DHRSX: variants seen among roughly 807,000 people sequenced by gnomAD.
DHRSX encodes dehydrogenase/reductase X-linked.
In DHRSX, 31 loss-of-function variants were observed where a neutral mutation model predicts 34.0. That is an observed-to-expected ratio of 0.91 (90% CI 0.69 to 1.23). The LOEUF (loss-of-function observed/expected upper bound fraction) is 1.23, where lower values mean the gene tolerates loss of function less well. DHRSX is among the 50% of genes most tolerant of loss of function. The pLI is 0.00. For synonymous variants in DHRSX, 201 were observed against 183.8 expected (o/e 1.09, Z -0.76); for missense variants, 414 against 428.1 (o/e 0.97, Z 0.29).
chrX:2,297,759 TGAG>T (rs1336386841), intron 3 of DHRSX, among the ~76,000 whole-genome samples: 1 of 105,546 alleles, frequency 9.5e-6, no homozygotes, highest in Non-Finnish European at 2.3e-5. Context: ...TTTGTCTTTT[TGAG>T]TTTTTTTTTT....
At chrX:2,227,540 GGAAGAAAAAAGGGAGAAA>G (rs2015702325) in intron 6 of DHRSX, among the ~76,000 whole-genome samples, 1 of 118,078 alleles carries the variant, frequency 8.5e-6, no homozygotes, top group Non-Finnish European at 1.7e-5. Context: ...AAAGGAGGGA[GGAAGAAAAAAGGGAGAAA>G]GGAGGGAAGA....
chrX:2,283,159 G>C (rs959423361), intron 4 of DHRSX, among the ~76,000 whole-genome samples: 5 of 151,832 alleles, frequency 3.3e-5, no homozygotes, highest in South Asian at 4.2e-4. Context: ...GGGAAGGATG[G>C]AGCCAGTCCA....
At chrX:2,414,919 T>C (rs2043674927) in intron 2 of DHRSX, among the ~76,000 whole-genome samples, 1 of 151,162 alleles carries the variant, frequency 6.6e-6, no homozygotes, top group Non-Finnish European at 1.5e-5. Context: ...CATCATGACC[T>C]AACCAAACTG....
At position 2,265,939 on chromosome X, in the gene DHRSX, C is replaced by T. The variant is rs1285551603; in HGVS notation, c.596+801G>A. On this transcript the variant is annotated intron_variant, in intron 5 of 6. Transcript: ENST00000334651. ...CAGTGCTCGGCAGATGCAGGGAGCACTGTCCCCAGAGCACCAGTGTACAGC... is the reference window on the plus strand; with the variant it reads ...CAGTGCTCGGCAGATGCAGGGAGCATTGTCCCCAGAGCACCAGTGTACAGC... Among the ~76,000 whole-genome samples, 13 of 139,532 alleles carry T rather than the reference C, an allele frequency of 9.3e-5. No individual in the cohort carries two copies. The South Asian group carries it at 1.9e-3, about 20-fold the overall frequency. The allele number at this position is 139,532 out of a possible 152,430, so 91.5% of individuals were successfully genotyped here.
chrX:2,240,140 A>G (rs952170101), intron 6 of DHRSX, among the ~76,000 whole-genome samples: 20 of 151,928 alleles, frequency 1.3e-4, no homozygotes, highest in African/African-American at 4.6e-4. Flanking sequence ...TAAAAACACA[A>G]CACTTAGCCA....
intron 3 of DHRSX, among the ~76,000 whole-genome samples, chrX:2,339,144 A>ATT (rs1325676582): frequency 1.3e-5 from 2 of 151,462 alleles, no homozygotes; most frequent in Non-Finnish European, 2.9e-5. Context: ...AGTTCTTTTT[A>ATT]TTTTTTTCTG....
chrX:2,393,044 T>C (rs1039800955), intron 3 of DHRSX, among the ~76,000 whole-genome samples: 1 of 146,458 alleles, frequency 6.8e-6, no homozygotes, highest in African/African-American at 2.5e-5. Flanking sequence ...TGTATATACA[T>C]TATAATATAA....
chrX:2,477,653 A>G (rs944342806), intron 1 of DHRSX, among the ~76,000 whole-genome samples: 37 of 152,156 alleles, frequency 2.4e-4, no homozygotes, highest in Non-Finnish European at 7.4e-5. Context: ...CGAGACCAAC[A>G]TGACCAACAT....
chrX:2,305,314 G>A (rs1461871303), intron 3 of DHRSX, among the ~76,000 whole-genome samples: 3 of 152,046 alleles, frequency 2.0e-5, no homozygotes, highest in Admixed American at 2.0e-4. Flanking sequence ...CAGTTAGAAG[G>A]GCGATCATTA....
chrX:2,495,465 A>C (rs2045259527), intron 1 of DHRSX, among the ~76,000 whole-genome samples: 1 of 152,128 alleles, frequency 6.6e-6, no homozygotes, highest in Admixed American at 6.6e-5. Flanking sequence ...TTTTGTACTA[A>C]GAGCCAAAAT....
intron 3 of DHRSX, among the ~76,000 whole-genome samples, chrX:2,341,013 C>T (rs1218934378): frequency 2.6e-5 from 4 of 151,972 alleles, no homozygotes; most frequent in Non-Finnish European, 4.4e-5. Context: ...AAATGCTGCA[C>T]GGGTGGCAGG....
intron 5 of DHRSX, among the ~76,000 whole-genome samples, chrX:2,246,377 G>A (rs1218749380): frequency 2.0e-5 from 3 of 151,882 alleles, no homozygotes; most frequent in Non-Finnish European, 2.9e-5. Context: ...TAATCCCAGC[G>A]CTTTGGGAGG....
At chrX:2,359,967 A>C (rs1312826963) in intron 3 of DHRSX, among the ~76,000 whole-genome samples, 2 of 152,130 alleles carry the variant, frequency 1.3e-5, no homozygotes, top group East Asian at 3.9e-4. Flanking sequence ...ACTAATGGGT[A>C]CTGGGCTTAA....
At chrX:2,421,464 A>T (rs2043778683) in intron 2 of DHRSX, among the ~76,000 whole-genome samples, 2 of 152,216 alleles carry the variant, frequency 1.3e-5, no homozygotes, top group African/African-American at 4.8e-5. Flanking sequence ...AAAGGCTCAA[A>T]CTTAAGTGAA....
intron 3 of DHRSX, among the ~76,000 whole-genome samples, chrX:2,393,073 T>A (rs1183728703): frequency 8.2e-5 from 12 of 147,230 alleles, no homozygotes; most frequent in Non-Finnish European, 1.6e-4. Context: ...TATGTCATTA[T>A]GTATTTAATA....
chrX:2,349,763 T>C lies in DHRSX; in HGVS notation c.287-58160A>G, dbSNP rs765303622. Among the ~76,000 whole-genome samples the C allele has an allele frequency of 3.3e-5, 5 of 152,094 alleles. No homozygotes were observed. The South Asian group carries it at 1.0e-3, about 32-fold the overall frequency. ...AGCCTTAAACGGAAGGTAATTGGGC[T>C]GAGCAAGGTGGCTCACGCCTGTAAT... On this transcript the variant is annotated intron_variant, in intron 3 of 6. Coordinates refer to ENST00000334651, the MANE Select transcript of DHRSX (RefSeq NM_145177.3).
chrX:2,267,698 G>C (rs1287162109), intron 4 of DHRSX, among the ~76,000 whole-genome samples: 1 of 152,106 alleles, frequency 6.6e-6, no homozygotes. Context: ...TGTAATCCCA[G>C]CCTTTGGGTA....
At chrX:2,443,589 G>C (rs1244024400) in intron 1 of DHRSX, among the ~76,000 whole-genome samples, 1 of 152,044 alleles carries the variant, frequency 6.6e-6, no homozygotes, top group Non-Finnish European at 1.5e-5. Flanking sequence ...TTTGGGCTCT[G>C]CTCTTATTTT....
intron 4 of DHRSX, among the ~76,000 whole-genome samples, chrX:2,274,802 T>G (rs1381254454): frequency 6.6e-6 from 1 of 152,146 alleles, no homozygotes; most frequent in African/African-American, 2.4e-5. Flanking sequence ...AACGCTGATA[T>G]TTACGGAACG....
Sources: allele counts gnomAD v4.1 joint callset (sites outside exome capture counted in the v4.1 genomes callset), GRCh38; gene constraint gnomAD v4.1.1; transcripts MANE v1.5; gene names NCBI Gene and HGNC (gene_info 2026-07-23, HGNC 2026-07-21).